HYDIN: variants seen among roughly 807,000 people sequenced by gnomAD.
HYDIN encodes HYDIN axonemal central pair apparatus protein, also known as axonemal central pair apparatus protein HYDIN.
HYDIN carries 132 observed loss-of-function variants against 403.9 expected under a neutral mutation model. The observed-to-expected ratio is 0.33, with a 90% confidence interval of 0.28 to 0.38. The LOEUF (loss-of-function observed/expected upper bound fraction) is 0.38, where lower values mean the gene tolerates loss of function less well. Ranked by LOEUF, HYDIN falls within the 10% of genes least tolerant of loss-of-function variation. The pLI is 1.00. For synonymous variants in HYDIN, 1,202 were observed against 1,891.7 expected (o/e 0.64, Z 9.46); for missense variants, 2,827 against 5,009.5 (o/e 0.56, Z 13.15).
intron 18 of HYDIN, among the ~76,000 whole-genome samples, chr16:71,040,488 C>G (rs1047823309): frequency 4.3e-5 from 6 of 138,628 alleles, no homozygotes; most frequent in Non-Finnish European, 9.5e-5. Context: ...CCTCCCCGCA[C>G]CCCCCTCCCC....
In HYDIN at chr16:70,955,474, C is replaced by G; in HGVS notation, c.6217G>C (p.Glu2073Gln). ...ATGTTGTTGCTGTTGGCCACAGCTT[C>G]CAGCACAATGGAGTCGATGCTCAGG... Reference protein sequence around the residue: ...ACLSIDSIVLEAVANSNNIPG... With the variant: ...ACLSIDSIVLQAVANSNNIPG... The change falls in exon 40 of 86, where the codon GAA becomes CAA. Residue 2073 changes from glutamate (E) to glutamine (Q), a missense_variant. Glu to Gln is a conservative substitution (Grantham distance 29, BLOSUM62 2). Coordinates refer to ENST00000393567, the MANE Select transcript of HYDIN (RefSeq NM_001270974.2). 3 of 1,612,764 alleles carry G rather than the reference C, an allele frequency of 1.9e-6. No individual in the cohort carries two copies. Among genetic ancestry groups the G allele is most frequent in the Non-Finnish European group, 2.5e-6 (3 of 1,178,900 alleles).
At chr16:70,808,305 C>T (rs993141525) in intron 85 of HYDIN, among the ~76,000 whole-genome samples, 16 of 152,134 alleles carry the variant, frequency 1.1e-4, no homozygotes, top group Admixed American at 8.5e-4. Context: ...AGACACACAG[C>T]CACATTACGT....
At chr16:71,105,239 C>T (rs2083577820) in intron 10 of HYDIN, among the ~76,000 whole-genome samples, 1 of 151,638 alleles carries the variant, frequency 6.6e-6, no homozygotes, top group Admixed American at 6.6e-5. Context: ...TAGAAAAATA[C>T]CCAGAATACA....
chr16:71,065,348 C>T (rs756907372), intron 15 of HYDIN, among the ~76,000 whole-genome samples: 47 of 151,390 alleles, frequency 3.1e-4, no homozygotes, highest in Admixed American at 3.1e-3. Context: ...CTGCTTGGTC[C>T]AGAACTGGCA....
intron 5 of HYDIN, among the ~76,000 whole-genome samples, chr16:71,163,633 C>T (rs2086105110): frequency 6.6e-6 from 1 of 152,144 alleles, no homozygotes; most frequent in African/African-American, 2.4e-5. Flanking sequence ...GTGAACAAGC[C>T]TGGTCCAGCC....
At chr16:70,856,540 A>G (rs1409647390) in intron 72 of HYDIN, among the ~76,000 whole-genome samples, 2 of 144,112 alleles carry the variant, frequency 1.4e-5, no homozygotes, top group East Asian at 4.1e-4. Context: ...TTTTTCCATC[A>G]ATGTCCATTT....
At chr16:71,157,289 C>A (rs2085810770) in intron 6 of HYDIN, among the ~76,000 whole-genome samples, 1 of 151,292 alleles carries the variant, frequency 6.6e-6, no homozygotes, top group South Asian at 2.1e-4. Flanking sequence ...TTTTTTTAAA[C>A]AATTTCCTGT....
At chr16:70,877,213 GAGA>G (rs1407838484) in intron 62 of HYDIN, among the ~76,000 whole-genome samples, 2 of 148,134 alleles carry the variant, frequency 1.4e-5, no homozygotes, top group African/African-American at 5.3e-5. Context: ...AAGATATAGT[GAGA>G]AGGTCTTCTA....
At chr16:70,809,272 T>C (rs1038636259) in intron 85 of HYDIN, among the ~76,000 whole-genome samples, 20 of 152,214 alleles carry the variant, frequency 1.3e-4, no homozygotes, top group Non-Finnish European at 2.9e-5. Flanking sequence ...AGCTAATGTA[T>C]ATGGAGCACT....
rs756066602 is a variant in HYDIN, at chr16:70,920,617, T to C, written c.7759A>G (p.Ser2587Gly). ...TGCTCTCCTTTGGGAAGCTTGTCGC[T>C]CTCTAGGGCCTGCTTCCAGCTCAAG... ...EGLSWKQALE[S>G]DKLPKGEQIL... Residue 2587 changes from serine to glycine, a missense_variant, in exon 46 of 86, where the codon AGC (serine) becomes GGC (glycine). Ser to Gly is a moderately conservative substitution (Grantham distance 56). Transcript: ENST00000393567. 3.7e-6 allele frequency: 6 copies of C among 1,613,554 alleles called. No homozygotes were observed. The highest frequency in any genetic ancestry group is 1.7e-5 in the Admixed American group (1 of 59,934).
intron 22 of HYDIN, among the ~76,000 whole-genome samples, chr16:71,019,871 G>A (rs1023729328): frequency 1.3e-5 from 2 of 152,278 alleles, no homozygotes. Flanking sequence ...AAGACTTGAA[G>A]AAATGTTTCG....
intron 23 of HYDIN, among the ~76,000 whole-genome samples, chr16:70,993,325 A>T (rs1463317390): frequency 6.6e-6 from 1 of 152,134 alleles, no homozygotes; most frequent in Non-Finnish European, 1.5e-5. Context: ...CTATCACCAC[A>T]TTAATAAACA....
At chr16:71,017,249 C>G (rs2080292699) in intron 23 of HYDIN, among the ~76,000 whole-genome samples, 2 of 150,344 alleles carry the variant, frequency 1.3e-5, no homozygotes, top group Non-Finnish European at 2.9e-5. Flanking sequence ...ACTTGGGAGG[C>G]TGAGGCAGGG....
chr16:71,145,931 G>A (rs956831050), intron 7 of HYDIN, among the ~76,000 whole-genome samples: 10 of 152,086 alleles, frequency 6.6e-5, no homozygotes, highest in African/African-American at 1.2e-4. Context: ...CAGTGAAGTC[G>A]TCACTCAAGT....
Position 71,067,405 on chromosome 16 carries a change from G to T in HYDIN, c.1975-15C>A. On this transcript the variant is annotated splice_polypyrimidine_tract_variant and intron_variant, in intron 14 of 85. Coordinates refer to ENST00000393567, the MANE Select transcript of HYDIN (RefSeq NM_001270974.2). ...CATAATGTCACCTGGAAAGAAAAAG[G>T]TGACAAGTTGGTCTTCGAAAAAGCA... 1 of 1,591,196 alleles carries T rather than the reference G, an allele frequency of 6.3e-7. No individual in the cohort carries two copies. Among genetic ancestry groups the T allele is most frequent in the South Asian group, 1.1e-5 (1 of 89,136 alleles).
In HYDIN at chr16:70,991,318, A is replaced by G. The variant is rs768758807; in HGVS notation, c.3864T>C (p.Asp1288=). 4.3e-6 allele frequency: 7 copies of G among 1,613,950 alleles called. No homozygotes were observed. Among genetic ancestry groups the G allele is most frequent in the East Asian group, 2.2e-5 (1 of 44,894 alleles). ...RKTKASSVIS[D]EIKISSTEIE... ...CCTCCCCATGGAAAGGACACCGTAC[A>G]TCTGAGATCACACTGGAAGCTTTCG... Residue 1288 remains aspartate, a splice_region_variant and synonymous_variant, in exon 25 of 86, where the codon GAT becomes GAC. Transcript: ENST00000393567.
chr16:71,137,040 T>G, intron 8 of HYDIN, 111 bp downstream of exon 8: 2 of 724,704 alleles, frequency 2.8e-6, no homozygotes, highest in Non-Finnish European at 4.6e-6. Context: ...AAATGTGACA[T>G]TGGTTGAGTT....
chr16:71,185,076 G>T, intron 2 of HYDIN, 86 bp from the exon 3 acceptor site: 2 of 890,392 alleles, frequency 2.2e-6, no homozygotes, highest in South Asian at 3.0e-5. Context: ...TGAATAATTT[G>T]TGTTTGCAGC....
At chr16:70,872,301 G>T in intron 64 of HYDIN, 122 bp from the exon 65 acceptor site, 3 of 535,370 alleles carry the variant, frequency 5.6e-6, no homozygotes, top group Non-Finnish European at 9.8e-6. Flanking sequence ...CTATATTTGA[G>T]AAACCTAGAA....
Sources: allele counts gnomAD v4.1 joint callset (sites outside exome capture counted in the v4.1 genomes callset), GRCh38; gene constraint gnomAD v4.1.1; transcripts MANE v1.5; gene names NCBI Gene and HGNC (gene_info 2026-07-23, HGNC 2026-07-21).